Variants in NRL observed in about 807,000 individuals in gnomAD.
NRL encodes the protein neural retina-specific leucine zipper protein.
NRL carries 16 observed loss-of-function variants against 12.5 expected under a neutral mutation model. That is an observed-to-expected ratio of 1.28 (90% confidence interval 0.87 to 1.95). The LOEUF (loss-of-function observed/expected upper bound fraction) is 1.95, where lower values mean the gene tolerates loss of function less well. Among genes scored for constraint, NRL ranks in the 30% most tolerant of loss-of-function variants. The probability of loss-of-function intolerance (pLI) is 0.00; values close to 1 mark genes in which losing one functional copy is unlikely to be tolerated. For missense variants in NRL, 314 were observed against 325.8 expected (o/e 0.96, Z 0.28); for synonymous variants, 142 against 150.9 (o/e 0.94, Z 0.43).
At chr14:24,088,678 C>T (rs1485013806) in intron 1 of NRL, among the ~76,000 whole-genome samples, 1 of 146,826 alleles carries the variant, frequency 6.8e-6, no homozygotes, top group East Asian at 2.0e-4. Context: ...TTTGAGATAG[C>T]TCTGTCGCCC....
chr14:24,096,963 G>A (rs760774917), intron 1 of NRL: 2 of 1,613,892 alleles, frequency 1.2e-6, no homozygotes, highest in Non-Finnish European at 1.7e-6. Context: ...CGAGTGCTTA[G>A]TGGAGATCTG....
rs531858054 is a variant in NRL at position 24,082,943 on chromosome 14, C to T, written c.-27-68G>A. ...GCCATCCCCTCTTCACCAAGTCCCTCTTCCCTCAAAGCCCAAGTGCCCTGG... is the reference window on the plus strand; with the variant it reads ...GCCATCCCCTCTTCACCAAGTCCCTTTTCCCTCAAAGCCCAAGTGCCCTGG... On this transcript the variant is annotated intron_variant, in intron 1 of 2. Transcript: ENST00000561028. The T allele has an allele frequency of 4.7e-5, 69 of 1,474,424 alleles. 1 individual carries two copies. In the African/African-American group the frequency reaches 8.3e-4, roughly 18 times the overall value. The allele number at this position is 1,474,424 out of a possible 1,614,324, so 91.3% of individuals were successfully genotyped here.
chr14:24,092,219 GA>G (rs2036652676), intron 1 of NRL, among the ~76,000 whole-genome samples: 1 of 152,194 alleles, frequency 6.6e-6, no homozygotes, highest in African/African-American at 2.4e-5. Flanking sequence ...TTGGTGTTTG[GA>G]GAGGCAGGAG....
intron 1 of NRL, chr14:24,096,798 A>T: frequency 9.3e-7 from 1 of 1,081,006 alleles, no homozygotes; most frequent in Non-Finnish European, 1.4e-6. Context: ...GACATGTTTT[A>T]GCAGGCTGCA....
chr14:24,083,014 T>A, intron 1 of NRL, 139 bp from the exon 2 acceptor site: 1 of 777,740 alleles, frequency 1.3e-6, no homozygotes, highest in Non-Finnish European at 2.0e-6. Context: ...CTCTGTTCAC[T>A]GCAGAGTCCC....
At position 24,107,704 on chromosome 14, in the gene NRL, C is replaced by T. The variant is rs79495380; in HGVS notation, c.-28+7018G>A. Among the ~76,000 whole-genome samples the T allele has an allele frequency of 3.5e-3, 538 of 152,194 alleles. 4 individuals are homozygous for T. Among genetic ancestry groups the T allele is most frequent in the African/African-American group, 0.012 (508 of 41,522 alleles). ...TCTTTTCCTTCAATTTACCCATTGACGAATCCAGACTCAGATGTTCAGTGT... is the reference window on the plus strand; with the variant it reads ...TCTTTTCCTTCAATTTACCCATTGATGAATCCAGACTCAGATGTTCAGTGT... On this transcript the variant is annotated intron_variant, in intron 1 of 2. Transcript: ENST00000561028.
chr14:24,110,572 TA>T (rs568833641), intron 1 of NRL: 9 of 157,746 alleles, frequency 5.7e-5, no homozygotes, highest in East Asian at 1.9e-4. Context: ...ATAGGTACCT[TA>T]AAAAAAAATT....
chr14:24,094,898 T>C lies in NRL; in HGVS notation c.-27-12023A>G. The stretch of plus-strand genomic sequence containing the variant: ...AGAGCCCCCTAAAGAAGGTGGAAGG[T>C]TAAATATCCATTCCCGGCCTCTCCC... On this transcript the variant is annotated intron_variant, in intron 1 of 2. Coordinates refer to ENST00000561028, the MANE Select transcript of NRL (RefSeq NM_001354768.3). The surrounding 1 kb of genome is among the most constrained non-coding windows in gnomAD (Gnocchi z 4.1). The C allele has an allele frequency of 8.1e-7, 1 of 1,233,168 alleles. No homozygotes were observed. The highest frequency in any genetic ancestry group is 1.1e-6 in the Non-Finnish European group (1 of 937,770). The allele number at this position is 1,233,168 out of a possible 1,614,324, so 76.4% of individuals were successfully genotyped here. A position where few individuals can be genotyped will look rare whatever the true frequency, so the allele number is the denominator to read the frequency against.
Position 24,080,553 on chromosome 14 carries a change from C to T in NRL, c.*683G>A, listed in dbSNP as rs1176822229. 3 of 152,624 alleles carry T rather than the reference C, an allele frequency of 2.0e-5. No homozygotes were observed. Among genetic ancestry groups the T allele is most frequent in the Non-Finnish European group, 4.4e-5 (3 of 68,040 alleles). The allele number at this position is 152,624 out of a possible 1,614,324, so 9.5% of individuals were successfully genotyped here. A position where few individuals can be genotyped will look rare whatever the true frequency, so the allele number is the denominator to read the frequency against. The stretch of plus-strand genomic sequence containing the variant: ...GATGAAGTAACACAAGTCCAGGAAG[C>T]AACTGATTTGCTCAGGGTGACAGGG... On this transcript the variant is annotated 3_prime_UTR_variant, in exon 3 of 3. Transcript: ENST00000561028.
At position 24,099,592 on chromosome 14, in the gene NRL, G is replaced by A. The variant is rs760348873; in HGVS notation, c.-28+15130C>T. 12 of 1,609,730 alleles carry A rather than the reference G, an allele frequency of 7.5e-6. No individual in the cohort carries two copies. In the African/African-American group the frequency reaches 1.2e-4, roughly 16 times the overall value. ...ATCACCAGCCCTGCAGGGAAGAAGC[G>A]CTATGTGGCAGCCGCCTTCCCTAGT... On this transcript the variant is annotated intron_variant, in intron 1 of 2. Coordinates refer to ENST00000561028, the MANE Select transcript of NRL (RefSeq NM_001354768.3).
intron 1 of NRL, among the ~76,000 whole-genome samples, chr14:24,107,467 G>T (rs537086729): frequency 9.3e-4 from 93 of 100,276 alleles, no homozygotes; most frequent in African/African-American, 3.6e-3. Context: ...GCCCCGCCCC[G>T]CCCCGACCCT....
Position 24,081,847 on chromosome 14 carries a change from G to T in NRL, c.382-279C>A. On this transcript the variant is annotated intron_variant, in intron 2 of 2. Transcript: ENST00000561028. This position sits in a 1 kb window ranked among gnomAD's most constrained non-coding sequence, Gnocchi z 4.4. ...AGCCCGTCGCGCACCTAAACCCCGG[G>T]CTCGTCTCTGGGATCCCCGGCATCC... is the stretch of plus-strand genomic sequence containing the variant. 1 of 1,394,922 alleles carries T rather than the reference G, an allele frequency of 7.2e-7. No homozygotes were observed. 86.4% of individuals were successfully genotyped at this position (1,394,922 alleles called of 1,614,324 possible).
chr14:24,104,028 C>A, intron 1 of NRL: 1 of 1,184,748 alleles, frequency 8.4e-7, no homozygotes. Context: ...AGGCACCTTG[C>A]AGAAAATATG....
rs756057856 is a variant in NRL at position 24,081,603 on chromosome 14, C to T, written c.382-35G>A. On this transcript the variant is annotated intron_variant, in intron 2 of 2. Coordinates refer to ENST00000561028, the MANE Select transcript of NRL (RefSeq NM_001354768.3). This position sits in a 1 kb window ranked among gnomAD's most constrained non-coding sequence, Gnocchi z 4.4. ...GAGAATGCAGAAACCGGGTCAGCGCCAGGTCGCACCCGGCTCTGCCCTGAG... is the reference window on the plus strand; with the variant it reads ...GAGAATGCAGAAACCGGGTCAGCGCTAGGTCGCACCCGGCTCTGCCCTGAG... The T allele has an allele frequency of 7.0e-6, 11 of 1,560,624 alleles. No individual in the cohort carries two copies. The highest frequency in any genetic ancestry group is 8.7e-6 in the Non-Finnish European group (10 of 1,153,944).
chr14:24,103,308 C>T, intron 1 of NRL: 3 of 1,427,926 alleles, frequency 2.1e-6, no homozygotes, highest in South Asian at 1.2e-5. Flanking sequence ...AGCACGTCCT[C>T]TCTCCCTTCC....
Position 24,081,727 on chromosome 14 carries a change from C to G in NRL, c.382-159G>C, listed in dbSNP as rs1034018171. 9.8e-5 allele frequency: 149 copies of G among 1,522,830 alleles called. No homozygotes were observed. The highest frequency in any genetic ancestry group is 1.2e-4 in the Non-Finnish European group (139 of 1,141,218). 94.3% of individuals were successfully genotyped at this position (1,522,830 alleles called of 1,614,324 possible). ...CCACGCAGTCTGTTTCGGTCCAGAG[C>G]CCGCCCCAGGCCCCGACGCTCCCCG... On this transcript the variant is annotated intron_variant, in intron 2 of 2. Transcript: ENST00000561028. This position sits in a 1 kb window ranked among gnomAD's most constrained non-coding sequence, Gnocchi z 4.4.
chr14:24,107,822 A>G (rs535260217), intron 1 of NRL, among the ~76,000 whole-genome samples: 162 of 152,228 alleles, frequency 1.1e-3, no homozygotes, highest in Non-Finnish European at 1.8e-3. Context: ...CTTCTATTTC[A>G]TTACCCTATG....
chr14:24,102,966 C>T (rs941543416), intron 1 of NRL: 2 of 1,453,902 alleles, frequency 1.4e-6, no homozygotes, highest in Admixed American at 1.8e-5. Context: ...TCCCTCTGAT[C>T]CAGAGCCTCA....
intron 1 of NRL, chr14:24,098,194 C>T (rs755506944): frequency 6.3e-7 from 1 of 1,585,866 alleles, no homozygotes; most frequent in South Asian, 1.1e-5. Flanking sequence ...ACAATCCCCT[C>T]TCCCCCAGCT....
Sources: gnomAD v4.1 joint callset for allele counts (sites outside exome capture counted in the v4.1 genomes callset) on GRCh38, gnomAD v4.1.1 for gene constraint, Gnocchi (gnomAD v3.1) non-coding constraint, MANE v1.5 for transcripts, NCBI Gene and HGNC (gene_info 2026-07-23, HGNC 2026-07-21) for gene names.